The following GHR variants were observed in gnomAD, a reference collection of about 807,000 sequenced individuals.
GHR encodes growth hormone receptor.
In GHR, 35 loss-of-function variants were observed where a neutral mutation model predicts 67.1. The observed-to-expected ratio is 0.52, with a 90% CI of 0.40 to 0.69. The LOEUF is 0.69. Among genes scored for constraint, GHR ranks in the 30% least tolerant of loss-of-function variants. The pLI is 0.00. For missense variants in GHR, 792 were observed against 764.6 expected, an observed-to-expected ratio of 1.04 and a Z score of -0.42; for synonymous variants, 272 against 269.1, an observed-to-expected ratio of 1.01 and a Z score of -0.10.
chr5:42,601,639 T>G (rs1454208917), intron 2 of GHR, among the ~76,000 whole-genome samples: 1 of 152,168 alleles, frequency 6.6e-6, no homozygotes, highest in Non-Finnish European at 1.5e-5. Context: ...ATTTTCCTAC[T>G]AGTATTCTGC....
intron 5 of GHR, 83 bp from the exon 6 acceptor site, chr5:42,699,741 T>TA: frequency 1.2e-6 from 1 of 867,798 alleles, no homozygotes; most frequent in South Asian, 1.3e-5. Context: ...ATGTAGAAAG[T>TA]AATTTGGTCT....
chr5:42,706,519 T>C (rs1291502522), intron 6 of GHR, among the ~76,000 whole-genome samples: 1 of 152,168 alleles, frequency 6.6e-6, no homozygotes, highest in Non-Finnish European at 1.5e-5. Flanking sequence ...TTTTATAGTT[T>C]GGGGTTTTGC....
At chr5:42,595,856 AAGG>A (rs758692894) in intron 2 of GHR, among the ~76,000 whole-genome samples, 5 of 152,232 alleles carry the variant, frequency 3.3e-5, no homozygotes, top group Non-Finnish European at 5.9e-5. Flanking sequence ...TGAGCACAGT[AAGG>A]AGATCTGGCT....
intron 3 of GHR, among the ~76,000 whole-genome samples, chr5:42,679,602 C>A (rs987599280): frequency 2.7e-5 from 4 of 150,556 alleles, no homozygotes; most frequent in Non-Finnish European, 5.9e-5. Context: ...TCCAGCCTGG[C>A]GACAGAGCGA....
At chr5:42,444,097 A>G (rs578198833) in intron 1 of GHR, among the ~76,000 whole-genome samples, 2 of 152,298 alleles carry the variant, frequency 1.3e-5, no homozygotes, top group East Asian at 1.9e-4. Context: ...TTACAGCACT[A>G]TCTTCTCTGG....
intron 1 of GHR, among the ~76,000 whole-genome samples, chr5:42,525,853 G>A (rs1056053269): frequency 9.9e-5 from 15 of 152,190 alleles, no homozygotes; most frequent in Admixed American, 2.6e-4. Flanking sequence ...TTCTCTTGCC[G>A]CCACCATGTA....
chr5:42,625,827 A>C (rs1300572068), intron 2 of GHR, among the ~76,000 whole-genome samples: 1 of 151,244 alleles, frequency 6.6e-6, no homozygotes, highest in African/African-American at 2.4e-5. Flanking sequence ...GGAAGGAAGG[A>C]AAACAAAGGG....
At chr5:42,588,788 A>G (rs2112585592) in intron 2 of GHR, among the ~76,000 whole-genome samples, 1 of 152,270 alleles carries the variant, frequency 6.6e-6, no homozygotes, top group African/African-American at 2.4e-5. Flanking sequence ...TTATAACAAA[A>G]CAAAATTCAT....
intron 4 of GHR, among the ~76,000 whole-genome samples, chr5:42,691,721 C>G (rs1757431486): frequency 1.3e-5 from 2 of 152,230 alleles, no homozygotes; most frequent in Non-Finnish European, 2.9e-5. Context: ...TCAGGCACAG[C>G]CCTACAGGCA....
At chr5:42,550,399 C>T (rs1748964331) in intron 1 of GHR, among the ~76,000 whole-genome samples, 1 of 152,154 alleles carries the variant, frequency 6.6e-6, no homozygotes, top group Non-Finnish European at 1.5e-5. Flanking sequence ...TTCCCCTGGG[C>T]CCCATCACTA....
intron 2 of GHR, among the ~76,000 whole-genome samples, chr5:42,587,435 C>T (rs1336292334): frequency 6.6e-6 from 1 of 152,048 alleles, no homozygotes; most frequent in East Asian, 1.9e-4. Flanking sequence ...TTGCTTTTCC[C>T]TTGTTAAAGC....
intron 1 of GHR, among the ~76,000 whole-genome samples, chr5:42,524,261 T>C (rs912123300): frequency 6.6e-6 from 1 of 152,180 alleles, no homozygotes; most frequent in African/African-American, 2.4e-5. Context: ...GATAACGATA[T>C]GGACAATAAA....
At chr5:42,466,500 C>G (rs1744739739) in intron 1 of GHR, among the ~76,000 whole-genome samples, 1 of 152,198 alleles carries the variant, frequency 6.6e-6, no homozygotes, top group Admixed American at 6.5e-5. Context: ...ACGGTTCAAC[C>G]AGAATTCAAC....
intron 3 of GHR, among the ~76,000 whole-genome samples, chr5:42,646,967 A>G (rs963576101): frequency 2.0e-5 from 3 of 152,132 alleles, no homozygotes; most frequent in African/African-American, 7.2e-5. Context: ...TCAGAGAAGG[A>G]TATTAAGACA....
chr5:42,592,320 T>C (rs1428239347), intron 2 of GHR, among the ~76,000 whole-genome samples: 1 of 152,180 alleles, frequency 6.6e-6, no homozygotes, highest in African/African-American at 2.4e-5. Context: ...TATAGATAAA[T>C]TGGATGCCAT....
At position 42,430,636 on chromosome 5, in the gene GHR, G is replaced by GTGTGTGTA. The variant is rs1226535909; in HGVS notation, c.-12+6682_-12+6683insGTGTGTAT. The stretch of plus-strand genomic sequence containing the variant: ...TGTGTGTGTGTGTGTGTGTGTGTGT[G>GTGTGTGTA]TATGTGTGTGTTTCTTCACTTTATC... On this transcript the variant is annotated intron_variant, in intron 1 of 9. Transcript: ENST00000230882. 4.0e-5 allele frequency among the ~76,000 whole-genome samples: 6 copies of GTGTGTGTA among 151,422 alleles called. No homozygotes were observed. The Admixed American group carries it at 4.0e-4, about 10-fold the overall frequency.
At chr5:42,568,484 T>C (rs1156363983) in intron 2 of GHR, among the ~76,000 whole-genome samples, 1 of 152,192 alleles carries the variant, frequency 6.6e-6, no homozygotes, top group South Asian at 2.1e-4. Flanking sequence ...GGTTGACCTA[T>C]CAACTGATTG....
chr5:42,616,533 A>G (rs1753158987), intron 2 of GHR, among the ~76,000 whole-genome samples: 1 of 152,068 alleles, frequency 6.6e-6, no homozygotes, highest in Non-Finnish European at 1.5e-5. Flanking sequence ...TGAGATACCT[A>G]TTAGATACCA....
At chr5:42,671,816 C>A (rs1342613017) in intron 3 of GHR, among the ~76,000 whole-genome samples, 2 of 151,500 alleles carry the variant, frequency 1.3e-5, no homozygotes, top group African/African-American at 2.4e-5. Flanking sequence ...ATTAGCCGGG[C>A]GTAGGGGCGG....
Sources: gnomAD v4.1 joint callset for allele counts (sites outside exome capture counted in the v4.1 genomes callset) on GRCh38, gnomAD v4.1.1 for gene constraint, MANE v1.5 for transcripts, NCBI Gene and HGNC (gene_info 2026-07-23, HGNC 2026-07-21) for gene names.